The following INO80D variants were observed in gnomAD, a reference collection of about 807,000 sequenced individuals.
INO80D encodes the protein INO80 complex subunit D.
Under a neutral mutation model 87.6 loss-of-function variants are expected in INO80D, and 21 were observed. The ratio of observed to expected loss-of-function variants is 0.24; its 90% CI spans 0.17 to 0.35. INO80D has a LOEUF of 0.35. INO80D is among the 10% of genes least tolerant of loss of function. INO80D has a pLI of 1.00. For synonymous variants in INO80D, 440 were observed against 491.0 expected (o/e 0.90, Z 1.37); for missense variants, 982 against 1,280.7 (o/e 0.77, Z 3.56).
chr2:206,025,560 T>G (rs1379388045), intron 6 of INO80D: 1 of 125,412 alleles, frequency 8.0e-6, no homozygotes, highest in Non-Finnish European at 1.7e-5. Flanking sequence ...TATATATATA[T>G]ATATATATAA....
chr2:206,007,144 C>A, intron 10 of INO80D, 140 bp downstream of exon 10: 1 of 705,384 alleles, frequency 1.4e-6, no homozygotes, highest in South Asian at 2.0e-5. Flanking sequence ...AAAATAGCTG[C>A]AGTGGCATTA....
At chr2:206,075,685 A>C (rs1690097647) in intron 1 of INO80D, among the ~76,000 whole-genome samples, 2 of 150,968 alleles carry the variant, frequency 1.3e-5, no homozygotes, top group Non-Finnish European at 1.5e-5. Flanking sequence ...TGATCCGCCC[A>C]CCTCGGCCTC....
rs1218588693 is a variant in INO80D at position 206,007,320 on chromosome 2, G to A, written c.1882C>T (p.Leu628=). The A allele has an allele frequency of 6.2e-7, 1 of 1,613,618 alleles. No individual in the cohort carries two copies. ...TCAAAATCTTGTAAGTCATCAGGTAGCCGTGGCAGGACATCTGAAAAGTCC... is the reference window on the plus strand; with the variant it reads ...TCAAAATCTTGTAAGTCATCAGGTAACCGTGGCAGGACATCTGAAAAGTCC... ...QEDFSDVLPR[L]PDDLQDFDFF... Residue 628 remains leucine, a synonymous_variant, in exon 10 of 11, where the codon CTA becomes TTA. Coordinates refer to ENST00000403263, the MANE Select transcript of INO80D (RefSeq NM_017759.5).
intron 5 of INO80D, among the ~76,000 whole-genome samples, chr2:206,029,588 A>T (rs1012226364): frequency 6.6e-6 from 1 of 150,666 alleles, no homozygotes; most frequent in Admixed American, 6.9e-5. Context: ...CTTAAGTGAT[A>T]TTATTCTTCT....
At chr2:206,021,482 T>C (rs936969973) in intron 6 of INO80D, among the ~76,000 whole-genome samples, 3 of 152,304 alleles carry the variant, frequency 2.0e-5, no homozygotes, top group South Asian at 4.1e-4. Context: ...CTTTAAAAAA[T>C]TGTTTACATT....
intron 4 of INO80D, among the ~76,000 whole-genome samples, chr2:206,052,015 T>C (rs1198215041): frequency 6.6e-6 from 1 of 152,230 alleles, no homozygotes; most frequent in Non-Finnish European, 1.5e-5. Context: ...TTCTTGTTTG[T>C]TAAAGATTAT....
chr2:206,033,600 A>C (rs1688823198), intron 5 of INO80D, among the ~76,000 whole-genome samples: 1 of 152,200 alleles, frequency 6.6e-6, no homozygotes, highest in Non-Finnish European at 1.5e-5. Context: ...TGCTAAGAGG[A>C]AAGTTCATAG....
intron 8 of INO80D, among the ~76,000 whole-genome samples, chr2:206,013,330 G>C (rs1174791763): frequency 2.0e-5 from 3 of 152,116 alleles, no homozygotes; most frequent in Non-Finnish European, 4.4e-5. Context: ...AAGGTGGGCG[G>C]ATCATGAGGT....
In INO80D at chr2:205,996,888, T is replaced by A. The variant is rs1210710940; in HGVS notation, c.*7480A>T. On this transcript the variant is annotated 3_prime_UTR_variant, in exon 11 of 11. Coordinates refer to ENST00000403263, the MANE Select transcript of INO80D (RefSeq NM_017759.5). ...TACAAACTCCCTTCTTTCATTTGCA[T>A]GCATATGTACAAGAAATATGCAGAT... The A allele has an allele frequency of 6.6e-6, 1 of 151,488 alleles. No homozygotes were observed. Among genetic ancestry groups the A allele is most frequent in the African/African-American group, 2.4e-5 (1 of 41,324 alleles). 9.4% of individuals were successfully genotyped at this position (151,488 alleles called of 1,614,324 possible). A position where few individuals can be genotyped will look rare whatever the true frequency, so the allele number is the denominator to read the frequency against.
At chr2:206,046,203 A>T (rs568596458) in intron 5 of INO80D, among the ~76,000 whole-genome samples, 61 of 152,270 alleles carry the variant, frequency 4.0e-4, no homozygotes, top group African/African-American at 1.4e-3. Context: ...GTATCAGCAT[A>T]TATAGTGGGA....
At position 205,993,922 on chromosome 2, in the gene INO80D, C is replaced by T. The variant is rs1379653009; in HGVS notation, c.*10446G>A. The T allele has an allele frequency of 6.6e-6, 1 of 152,022 alleles. No individual in the cohort carries two copies. The highest frequency in any genetic ancestry group is 2.4e-5 in the African/African-American group (1 of 41,388). 9.4% of individuals were successfully genotyped at this position (152,022 alleles called of 1,614,324 possible). A position where few individuals can be genotyped will look rare whatever the true frequency, so the allele number is the denominator to read the frequency against. ...CAAGGACCAGATAACAAAAGGAGAC[C>T]AATTCATTATTATTTCATCAAATTT... On this transcript the variant is annotated 3_prime_UTR_variant, in exon 11 of 11. Coordinates refer to ENST00000403263, the MANE Select transcript of INO80D (RefSeq NM_017759.5).
chr2:206,010,083 A>ACACG (rs1553614553), intron 8 of INO80D, among the ~76,000 whole-genome samples: 13 of 151,148 alleles, frequency 8.6e-5, no homozygotes, highest in South Asian at 2.1e-4. Flanking sequence ...ACACACACAC[A>ACACG]CACGCACACA....
intron 4 of INO80D, among the ~76,000 whole-genome samples, chr2:206,051,801 T>C (rs1287904654): frequency 1.3e-5 from 2 of 152,206 alleles, no homozygotes; most frequent in African/African-American, 4.8e-5. Flanking sequence ...TCGCCTGGCC[T>C]CAAAACTATT....
chr2:206,015,264 T>C (rs1040847357), intron 8 of INO80D, among the ~76,000 whole-genome samples: 1 of 152,124 alleles, frequency 6.6e-6, no homozygotes, highest in African/African-American at 2.4e-5. Flanking sequence ...TGAATGTTAA[T>C]CCCCAAGACA....
At chr2:206,061,743 C>T (rs1689696001) in intron 3 of INO80D, among the ~76,000 whole-genome samples, 1 of 152,212 alleles carries the variant, frequency 6.6e-6, no homozygotes, top group African/African-American at 2.4e-5. Flanking sequence ...TTATTTCATA[C>T]TGCAAGTGTA....
In INO80D at chr2:206,029,602, C is replaced by T. The variant is rs73061992; in HGVS notation, c.1074-1267G>A. Reference sequence around the variant, plus strand: ...TCTTAAGTGATATTATTCTTCTTTCCTTCAGCATAGTCTATAACAGGCTAC... The same window carrying T: ...TCTTAAGTGATATTATTCTTCTTTCTTTCAGCATAGTCTATAACAGGCTAC... On this transcript the variant is annotated intron_variant, in intron 5 of 10. Coordinates refer to ENST00000403263, the MANE Select transcript of INO80D (RefSeq NM_017759.5). Among the ~76,000 whole-genome samples, 1,264 of 152,270 alleles carry T rather than the reference C, an allele frequency of 8.3e-3. 13 individuals carry two copies. The highest frequency in any genetic ancestry group is 0.028 in the African/African-American group (1,176 of 41,534).
At position 206,004,715 on chromosome 2, in the gene INO80D, G is replaced by C. The variant is rs1687976991; in HGVS notation, c.2737C>G (p.Leu913Val). The change falls in exon 11 of 11, where the codon CTT becomes GTT. Residue 913 changes from leucine (L) to valine (V), a missense_variant. Coordinates refer to ENST00000403263, the MANE Select transcript of INO80D (RefSeq NM_017759.5). This position sits in a 1 kb window ranked among gnomAD's most constrained non-coding sequence, Gnocchi z 4.9. The stretch of plus-strand genomic sequence containing the variant: ...GGCGTGGATAGGGAAGTGGAAAGAA[G>C]ATGTCCATCTGCGCCGAGAAGGTTG... The part of the protein sequence containing the change: ...FSNLLGADGH[L>V]LSTSLSTPPT... 6.2e-7 allele frequency: 1 copy of C among 1,613,880 alleles called. No individual in the cohort carries two copies. The highest frequency in any genetic ancestry group is 8.5e-7 in the Non-Finnish European group (1 of 1,179,906).
intron 5 of INO80D, among the ~76,000 whole-genome samples, chr2:206,034,093 G>A (rs1164551264): frequency 6.6e-6 from 1 of 152,140 alleles, no homozygotes; most frequent in Non-Finnish European, 1.5e-5. Flanking sequence ...CAGCATGATT[G>A]AAATGGTAAT....
At chr2:206,043,304 T>A (rs1370747668) in intron 5 of INO80D, among the ~76,000 whole-genome samples, 2 of 151,980 alleles carry the variant, frequency 1.3e-5, no homozygotes, top group Non-Finnish European at 2.9e-5. Context: ...CCTGAGTAGC[T>A]GGGATTACAG....
Sources: allele counts gnomAD v4.1 joint callset (sites outside exome capture counted in the v4.1 genomes callset), GRCh38; gene constraint gnomAD v4.1.1; non-coding constraint Gnocchi (gnomAD v3.1); transcripts MANE v1.5; gene names NCBI Gene and HGNC (gene_info 2026-07-23, HGNC 2026-07-21).